Variants in ANGPTL1 observed in about 807,000 individuals in gnomAD.
ANGPTL1 encodes angiopoietin like 1, also known as angiopoietin-related protein 1.
In ANGPTL1, 36 loss-of-function variants were observed where a neutral mutation model predicts 46.7. The observed-to-expected ratio is 0.77, with a 90% CI of 0.59 to 1.02. ANGPTL1 has a LOEUF of 1.02. ANGPTL1 is among the 50% of genes least tolerant of loss of function. ANGPTL1 has a pLI of 0.00. For missense variants in ANGPTL1, 571 were observed against 594.7 expected (o/e 0.96, Z 0.41); for synonymous variants, 221 against 204.3 (o/e 1.08, Z -0.69).
At chr1:178,854,421 C>G (rs1657392396) in intron 3 of ANGPTL1, among the ~76,000 whole-genome samples, 1 of 152,090 alleles carries the variant, frequency 6.6e-6, no homozygotes, top group African/African-American at 2.4e-5. Context: ...TGGAAATTCT[C>G]AATGTACATT....
At chr1:178,859,401 CTTT>C (rs543947031) in intron 3 of ANGPTL1, among the ~76,000 whole-genome samples, 3,672 of 122,684 alleles carry the variant, frequency 0.03, 34 homozygotes, top group East Asian at 0.075. Context: ...CCAAGTTTAA[CTTT>C]TTTTTTTTTT....
intron 3 of ANGPTL1, among the ~76,000 whole-genome samples, chr1:178,859,171 G>A (rs1436572539): frequency 2.0e-5 from 3 of 151,854 alleles, no homozygotes; most frequent in African/African-American, 7.3e-5. Context: ...TATCAATTAC[G>A]TTCTCATAAC....
At position 178,851,310 on chromosome 1, in the gene ANGPTL1, C is replaced by T; in HGVS notation, c.1295G>A (p.Cys432Tyr). 6.2e-7 allele frequency: 1 copy of T among 1,606,252 alleles called. No homozygotes were observed. Among genetic ancestry groups the T allele is most frequent in the Non-Finnish European group, 8.5e-7 (1 of 1,176,990 alleles). ...DRDKDMYAGN[C>Y]AHFHKGGWWY... ...CCAGCCTCCTTTATGAAAGTGGGCG[C>T]AGTTTCCTTTGAGGAAAAAATACAG... The change falls in exon 6 of 6, where the codon TGC (cysteine) becomes TAC (tyrosine). Residue 432 changes from cysteine (C) to tyrosine (Y), a missense_variant. By Grantham distance (194) the Cys-to-Tyr change is radical. Coordinates refer to ENST00000234816, the MANE Select transcript of ANGPTL1 (RefSeq NM_004673.4).
intron 5 of ANGPTL1, 125 bp from the exon 6 acceptor site, chr1:178,851,441 A>C: frequency 1.2e-5 from 10 of 841,014 alleles, no homozygotes; most frequent in Non-Finnish European, 1.5e-5. Flanking sequence ...CCTTTATCTC[A>C]GCAGTTTTAA....
At position 178,852,836 on chromosome 1, in the gene ANGPTL1, CTTT is replaced by C; in HGVS notation, c.1132_1134del (p.Lys378del). ...CGAAAGCTGCTGTATTCTGCATAGA[CTTT>C]TTTATCACTCCAGTCTTCTAATTCA... On this transcript the variant is annotated inframe_deletion, in exon 5 of 6. Transcript: ENST00000234816. 6.2e-7 allele frequency: 1 copy of C among 1,613,908 alleles called. No individual in the cohort carries two copies. The highest frequency in any genetic ancestry group is 2.2e-5 in the East Asian group (1 of 44,864).
intron 2 of ANGPTL1, among the ~76,000 whole-genome samples, chr1:178,867,827 CAA>C (rs1658510417): frequency 1.3e-5 from 2 of 151,560 alleles, no homozygotes; most frequent in Non-Finnish European, 2.9e-5. Context: ...CTCCCGAAAA[CAA>C]AGGTCATGTC....
rs552046034 is a variant in ANGPTL1 at position 178,869,208 on chromosome 1, G to T, written c.-121C>A. The T allele has an allele frequency of 6.6e-6, 1 of 152,144 alleles. No individual in the cohort carries two copies. The highest frequency in any genetic ancestry group is 2.1e-4 in the South Asian group (1 of 4,832). 9.4% of individuals were successfully genotyped at this position (152,144 alleles called of 1,614,324 possible). On this transcript the variant is annotated 5_prime_UTR_variant, in exon 2 of 6. Coordinates refer to ENST00000234816, the MANE Select transcript of ANGPTL1 (RefSeq NM_004673.4). ...TTTATTAGTAGCTTTTCTCTTCATA[G>T]TTGCTATATTGCCAGCTAGTAGAGA...
intron 3 of ANGPTL1, among the ~76,000 whole-genome samples, chr1:178,860,833 A>G (rs2102322321): frequency 6.6e-6 from 1 of 152,318 alleles, no homozygotes; most frequent in Admixed American, 6.5e-5. Flanking sequence ...GCCAGAGCAT[A>G]CATAAGTACA....
At chr1:178,857,628 T>C (rs1337355176) in intron 3 of ANGPTL1, among the ~76,000 whole-genome samples, 2 of 152,182 alleles carry the variant, frequency 1.3e-5, no homozygotes, top group Admixed American at 6.5e-5. Context: ...TTACAACATA[T>C]ATATATTTAT....
chr1:178,868,236 T>C (rs1658539612), intron 2 of ANGPTL1, among the ~76,000 whole-genome samples: 1 of 151,918 alleles, frequency 6.6e-6, no homozygotes, highest in African/African-American at 2.4e-5. Context: ...CAAAAACCAA[T>C]AAAACATTTA....
Position 178,849,864 on chromosome 1 carries a change from G to A in ANGPTL1, c.*1265C>T, listed in dbSNP as rs780459084. On this transcript the variant is annotated 3_prime_UTR_variant, in exon 6 of 6. Transcript: ENST00000234816. Reference sequence around the variant, plus strand: ...TAGTTTGCCTCACACATTTCAATTCGAGGTTTTCTTTTTGCTTAAGCAAAA... The same window carrying A: ...TAGTTTGCCTCACACATTTCAATTCAAGGTTTTCTTTTTGCTTAAGCAAAA... The A allele has an allele frequency of 3.9e-5, 6 of 152,126 alleles. No homozygotes were observed. Among genetic ancestry groups the A allele is most frequent in the Non-Finnish European group, 7.4e-5 (5 of 68,024 alleles). The allele number at this position is 152,126 out of a possible 1,614,324, so 9.4% of individuals were successfully genotyped here. A position where few individuals can be genotyped will look rare whatever the true frequency, so the allele number is the denominator to read the frequency against.
intron 3 of ANGPTL1, among the ~76,000 whole-genome samples, chr1:178,858,698 G>A (rs767725677): frequency 6.6e-6 from 1 of 152,098 alleles, no homozygotes; most frequent in Non-Finnish European, 1.5e-5. Context: ...AAAGAAAAAT[G>A]TTGACCAGTC....
Position 178,852,610 on chromosome 1 carries a change from T to G in ANGPTL1, c.1288+73A>C, listed in dbSNP as rs573187175. ...CCTTTTTGAAAAGACTTTAGTAGCATATATATTAGTAGATTCTATTTAATG... is the reference window on the plus strand; with the variant it reads ...CCTTTTTGAAAAGACTTTAGTAGCAGATATATTAGTAGATTCTATTTAATG... On this transcript the variant is annotated intron_variant, in intron 5 of 5. Transcript: ENST00000234816. 1.3e-4 allele frequency: 193 copies of G among 1,475,516 alleles called. No individual in the cohort carries two copies. In the African/African-American group the frequency reaches 2.6e-3, roughly 20 times the overall value. The allele number at this position is 1,475,516 out of a possible 1,614,324, so 91.4% of individuals were successfully genotyped here.
At chr1:178,852,390 G>GC (rs1657230698) in intron 5 of ANGPTL1, among the ~76,000 whole-genome samples, 1 of 152,176 alleles carries the variant, frequency 6.6e-6, no homozygotes, top group Non-Finnish European at 1.5e-5. Flanking sequence ...TAGGTGTTCA[G>GC]TTAGTATTTG....
At position 178,865,632 on chromosome 1, in the gene ANGPTL1, A is replaced by C; in HGVS notation, c.145T>G (p.Cys49Gly). Reference sequence around the variant, plus strand: ...TCAGGTACCAGGAATGTGTATGCACATTTCTTTGCTTCCTCTTTACCATCT... The same window carrying C: ...TCAGGTACCAGGAATGTGTATGCACCTTTCTTTGCTTCCTCTTTACCATCT... ...ATDGKEEAKK[C>G]AYTFLVPEQR... Residue 49 changes from cysteine (C) to glycine (G), a missense_variant, in exon 3 of 6, where the codon TGT becomes GGT. Physicochemically the swap from Cys to Gly is radical, Grantham distance 159. Coordinates refer to ENST00000234816, the MANE Select transcript of ANGPTL1 (RefSeq NM_004673.4). 1 of 1,613,948 alleles carries C rather than the reference A, an allele frequency of 6.2e-7. No homozygotes were observed. Among genetic ancestry groups the C allele is most frequent in the Non-Finnish European group, 8.5e-7 (1 of 1,179,926 alleles).
chr1:178,859,188 A>G (rs868357061), intron 3 of ANGPTL1, among the ~76,000 whole-genome samples: 1 of 152,094 alleles, frequency 6.6e-6, no homozygotes. Context: ...TAACTGGCTA[A>G]TACAGTCATT....
chr1:178,858,553 A>G (rs1322529840), intron 3 of ANGPTL1, among the ~76,000 whole-genome samples: 1 of 152,090 alleles, frequency 6.6e-6, no homozygotes, highest in East Asian at 1.9e-4. Flanking sequence ...TATTTTTTGC[A>G]AGAGTCTTCT....
intron 4 of ANGPTL1, 101 bp downstream of exon 4, chr1:178,853,493 T>C (rs1657319208): frequency 2.0e-6 from 2 of 1,014,482 alleles, no homozygotes; most frequent in Non-Finnish European, 2.7e-6. Flanking sequence ...TGGATAGTTA[T>C]TTTTAACTGT....
Position 178,852,902 on chromosome 1 carries a change from A to G in ANGPTL1, c.1069T>C (p.Tyr357His). ...GEYWLGLENIYMLSNQDNYKL... is the reference protein window; with the variant it reads ...GEYWLGLENIHMLSNQDNYKL... ...TAATTATCTTGATTGCTAAGCATATAGATATTTTCCAGTCCAAGCCAGTAT... is the reference window on the plus strand; with the variant it reads ...TAATTATCTTGATTGCTAAGCATATGGATATTTTCCAGTCCAAGCCAGTAT... The change falls in exon 5 of 6, where the codon TAT becomes CAT. Residue 357 changes from tyrosine (Y) to histidine (H), a missense_variant. By Grantham distance (83) the Tyr-to-His change is moderately conservative. Coordinates refer to ENST00000234816, the MANE Select transcript of ANGPTL1 (RefSeq NM_004673.4). 6.2e-7 allele frequency: 1 copy of G among 1,613,806 alleles called. No homozygotes were observed.
Sources: allele counts gnomAD v4.1 joint callset (sites outside exome capture counted in the v4.1 genomes callset), GRCh38; gene constraint gnomAD v4.1.1; transcripts MANE v1.5; gene names NCBI Gene and HGNC (gene_info 2026-07-23, HGNC 2026-07-21).